LYPLAL1: variants seen among roughly 807,000 people sequenced by gnomAD.
LYPLAL1 encodes the protein lysophospholipase-like protein 1.
LYPLAL1 carries 23 observed loss-of-function variants against 19.7 expected under a neutral mutation model. The ratio of observed to expected loss-of-function variants is 1.17; its 90% CI spans 0.84 to 1.65. LYPLAL1 has a LOEUF of 1.65. LYPLAL1 is among the 40% of genes most tolerant of loss of function. The pLI is 0.00. For missense variants in LYPLAL1, 355 were observed against 279.4 expected (o/e 1.27, Z -1.93); for synonymous variants, 119 against 96.3 (o/e 1.24, Z -1.38).
the LYPLAL1 span, among the ~76,000 whole-genome samples, chr1:219,325,617 T>C: frequency 6.6e-6 from 1 of 152,148 alleles, no homozygotes; most frequent in Non-Finnish European, 1.5e-5. Flanking sequence ...TGTAAATGAG[T>C]ACAAGTCAAT....
intron 2 of LYPLAL1, among the ~76,000 whole-genome samples, chr1:219,187,217 T>G (rs895655964): frequency 2.6e-5 from 4 of 151,734 alleles, no homozygotes; most frequent in African/African-American, 9.7e-5. Flanking sequence ...TTGTATATAC[T>G]CAGTTGTGGT....
chr1:219,314,819 G>A, the LYPLAL1 span, among the ~76,000 whole-genome samples: 1 of 152,228 alleles, frequency 6.6e-6, no homozygotes, highest in African/African-American at 2.4e-5. Context: ...TTAACGCAAA[G>A]ATTTTGACTC....
chr1:219,390,189 G>A, the LYPLAL1 span, among the ~76,000 whole-genome samples: 1 of 152,126 alleles, frequency 6.6e-6, no homozygotes, highest in Non-Finnish European at 1.5e-5. Context: ...CTCAGAAAAT[G>A]AAGCCTCCAA....
the LYPLAL1 span, among the ~76,000 whole-genome samples, chr1:219,408,288 G>A: frequency 6.6e-6 from 1 of 152,160 alleles, no homozygotes; most frequent in Non-Finnish European, 1.5e-5. Flanking sequence ...CTGTATCTTA[G>A]ACAGGTGGCC....
intron 3 of LYPLAL1, among the ~76,000 whole-genome samples, chr1:219,196,484 G>A (rs1320770464): frequency 6.6e-6 from 1 of 151,952 alleles, no homozygotes; most frequent in African/African-American, 2.4e-5. Context: ...CTGCATAAGT[G>A]TATTCTTTTG....
the LYPLAL1 span, among the ~76,000 whole-genome samples, chr1:219,365,607 A>T: frequency 6.6e-6 from 1 of 152,130 alleles, no homozygotes; most frequent in Non-Finnish European, 1.5e-5. Context: ...CAAAGTTTAG[A>T]CCTGGGAATG....
chr1:219,173,922 G>C lies in LYPLAL1; in HGVS notation c.32G>C (p.Arg11Pro). Residue 11 changes from arginine (R) to proline (P), a missense_variant, in exon 1 of 5, where the codon CGC (arginine) becomes CCC (proline). Transcript: ENST00000366928. MAAASGSVLQ[R>P]CIVSPAGRHS... ...GCTGCGTCGGGGTCGGTTCTGCAGC[G>C]CTGTATCGTGTCGCCGGCAGGGAGG... The C allele has an allele frequency of 6.2e-7, 1 of 1,613,772 alleles. No homozygotes were observed. Among genetic ancestry groups the C allele is most frequent in the South Asian group, 1.1e-5 (1 of 91,086 alleles).
intron 1 of LYPLAL1, among the ~76,000 whole-genome samples, chr1:219,175,576 GTATGTCTCTAAAA>G (rs1400158883): frequency 6.6e-6 from 1 of 152,032 alleles, no homozygotes; most frequent in African/African-American, 2.4e-5. Flanking sequence ...ACCTGTAAGG[GTATGTCTCTAAAA>G]TTCAGAGTCA....
chr1:219,237,933 C>T, the LYPLAL1 span, among the ~76,000 whole-genome samples: 10 of 152,226 alleles, frequency 6.6e-5, no homozygotes, highest in African/African-American at 2.4e-4. Flanking sequence ...CTAATACATG[C>T]TTATTGAATG....
the LYPLAL1 span, among the ~76,000 whole-genome samples, chr1:219,423,763 G>C: frequency 6.6e-6 from 1 of 152,190 alleles, no homozygotes; most frequent in East Asian, 1.9e-4. Flanking sequence ...GAGAGTTTTA[G>C]CAGCATCACT....
At chr1:219,241,837 C>T in the LYPLAL1 span, among the ~76,000 whole-genome samples, 2 of 152,126 alleles carry the variant, frequency 1.3e-5, no homozygotes, top group Non-Finnish European at 2.9e-5. Context: ...GTGAGGAAGA[C>T]TGTTGTCAAC....
intron 2 of LYPLAL1, among the ~76,000 whole-genome samples, chr1:219,182,831 T>C (rs140409142): frequency 6.6e-6 from 1 of 152,218 alleles, no homozygotes; most frequent in East Asian, 1.9e-4. Context: ...GGCATGTAAA[T>C]GATATTCAGG....
At chr1:219,263,782 C>T in the LYPLAL1 span, among the ~76,000 whole-genome samples, 1 of 152,122 alleles carries the variant, frequency 6.6e-6, no homozygotes, top group Non-Finnish European at 1.5e-5. Context: ...AAGGTTAAAT[C>T]TTTTTCTCAT....
the LYPLAL1 span, among the ~76,000 whole-genome samples, chr1:219,341,005 G>A: frequency 3.9e-5 from 6 of 152,080 alleles, no homozygotes; most frequent in East Asian, 1.9e-4. Context: ...AACTAATTCA[G>A]CATTTATCTT....
the LYPLAL1 span, among the ~76,000 whole-genome samples, chr1:219,368,370 G>T: frequency 1.3e-5 from 2 of 152,124 alleles, no homozygotes; most frequent in Non-Finnish European, 2.9e-5. Flanking sequence ...AGGACTAAGG[G>T]TGATATTTCC....
intron 1 of LYPLAL1, among the ~76,000 whole-genome samples, chr1:219,176,140 C>T (rs796429114): frequency 6.6e-6 from 1 of 152,054 alleles, no homozygotes; most frequent in Non-Finnish European, 1.5e-5. Context: ...TTATATGTAG[C>T]CAACTTAATT....
chr1:219,411,446 T>C, the LYPLAL1 span, among the ~76,000 whole-genome samples: 1 of 152,134 alleles, frequency 6.6e-6, no homozygotes, highest in African/African-American at 2.4e-5. Flanking sequence ...ATCTAACTAA[T>C]CTGATGGGGA....
the LYPLAL1 span, among the ~76,000 whole-genome samples, chr1:219,233,267 G>T: frequency 3.7e-3 from 557 of 152,214 alleles, 5 homozygotes; most frequent in African/African-American, 0.013. Context: ...GTCACAAAAG[G>T]ACAACCACTT....
At chr1:219,435,994 A>G in the LYPLAL1 span, among the ~76,000 whole-genome samples, 1 of 152,170 alleles carries the variant, frequency 6.6e-6, no homozygotes, top group Non-Finnish European at 1.5e-5. Flanking sequence ...ATCCTTGTCT[A>G]TACTCCTTTT....
Sources: allele counts gnomAD v4.1 joint callset (sites outside exome capture counted in the v4.1 genomes callset), GRCh38; gene constraint gnomAD v4.1.1; transcripts MANE v1.5; gene names NCBI Gene and HGNC (gene_info 2026-07-23, HGNC 2026-07-21).